PCDHA1: variants seen among roughly 807,000 people sequenced by gnomAD.
PCDHA1 encodes the protein protocadherin alpha-1.
PCDHA1 carries 42 observed loss-of-function variants against 61.3 expected under a neutral mutation model. The observed-to-expected ratio is 0.69, with a 90% CI of 0.54 to 0.89. PCDHA1 has a LOEUF of 0.89. PCDHA1 is among the 40% of genes least tolerant of loss of function. PCDHA1 has a pLI of 0.00. For missense variants in PCDHA1, 1,256 were observed against 1,235.3 expected, an observed-to-expected ratio of 1.02 and a Z score of -0.25; for synonymous variants, 610 against 553.8, an observed-to-expected ratio of 1.10 and a Z score of -1.43.
At chr5:140,860,689 G>A (rs1478164991) in intron 1 of PCDHA1, 3 of 152,174 alleles carry the variant, frequency 2.0e-5, no homozygotes, top group African/African-American at 7.2e-5. Flanking sequence ...TGTTTTGAGC[G>A]ACAGGATATT....
intron 2 of PCDHA1, among the ~76,000 whole-genome samples, chr5:140,982,104 G>A (rs1280175443): frequency 6.6e-6 from 1 of 152,256 alleles, no homozygotes; most frequent in Non-Finnish European, 1.5e-5. Flanking sequence ...GAACCTGCAA[G>A]AGAGGCTTGG....
In PCDHA1 at chr5:140,842,704, G is replaced by A. The variant is rs151170990; in HGVS notation, c.2394+54020G>A. 2,141 of 1,595,136 alleles carry A rather than the reference G, an allele frequency of 1.3e-3. 215 individuals are homozygous for A. The highest frequency in any genetic ancestry group is 5.2e-3 in the African/African-American group (389 of 74,336). On this transcript the variant is annotated intron_variant, in intron 1 of 3. Transcript: ENST00000504120. ...CGGCGTTCGCGCAGCCCGAGTACAC[G>A]GTGTTCGTGAAGGAGAACAACCCGC... is the stretch of plus-strand genomic sequence containing the variant.
chr5:140,862,480 G>A (rs1293172271), intron 1 of PCDHA1: 1 of 381,094 alleles, frequency 2.6e-6, no homozygotes, highest in East Asian at 7.1e-5. Flanking sequence ...TCTATCCATT[G>A]TTGGTAATCG....
Position 140,809,080 on chromosome 5 carries a change from C to A in PCDHA1, c.2394+20396C>A, listed in dbSNP as rs564951591. On this transcript the variant is annotated intron_variant, in intron 1 of 3. Coordinates refer to ENST00000504120, the MANE Select transcript of PCDHA1 (RefSeq NM_018900.4). ...GCGTGGGGCTGTACACTGGCGAGAT[C>A]AGCACAACGCGTGCCCTGGACGAAA... The A allele has an allele frequency of 1.8e-4, 290 of 1,613,954 alleles. No individual in the cohort carries two copies. In the East Asian group the frequency reaches 5.6e-3, roughly 31 times the overall value.
At chr5:140,969,661 G>A (rs2096351521) in intron 1 of PCDHA1, among the ~76,000 whole-genome samples, 2 of 152,166 alleles carry the variant, frequency 1.3e-5, no homozygotes, top group Non-Finnish European at 2.9e-5. Context: ...GTTTTAGGGA[G>A]TAATGTTATG....
At chr5:140,835,855 C>A in intron 1 of PCDHA1, 2 of 1,612,246 alleles carry the variant, frequency 1.2e-6, no homozygotes, top group Non-Finnish European at 1.7e-6. Flanking sequence ...GCGCTGGTGT[C>A]CTACTCGCTG....
intron 1 of PCDHA1, among the ~76,000 whole-genome samples, chr5:140,894,231 G>A (rs1265861426): frequency 1.3e-5 from 2 of 151,980 alleles, no homozygotes; most frequent in South Asian, 2.1e-4. Flanking sequence ...GATGTTGAAT[G>A]ACAATGTAAT....
chr5:140,992,485 A>T (rs1234957114), intron 3 of PCDHA1, among the ~76,000 whole-genome samples: 1 of 152,208 alleles, frequency 6.6e-6, no homozygotes, highest in Non-Finnish European at 1.5e-5. Flanking sequence ...CCCAGAGGCC[A>T]ATCTGTAAGG....
At chr5:140,794,012 G>A (rs1476768) in intron 1 of PCDHA1, among the ~76,000 whole-genome samples, 78,264 of 151,982 alleles carry the variant, frequency 0.51, 20,345 homozygotes, top group Middle Eastern at 0.64. Flanking sequence ...AGTGAAAAAT[G>A]CTAATATATC....
intron 1 of PCDHA1, chr5:140,823,379 G>A: frequency 6.2e-7 from 1 of 1,612,650 alleles, no homozygotes; most frequent in South Asian, 1.1e-5. Flanking sequence ...TTCCAGGTGA[G>A]CGCGCGCGAC....
intron 3 of PCDHA1, among the ~76,000 whole-genome samples, chr5:140,986,316 C>T (rs1407067646): frequency 2.0e-5 from 3 of 152,146 alleles, no homozygotes; most frequent in African/African-American, 7.2e-5. Context: ...TTAGCTAAAT[C>T]AGGAATGCAG....
At position 140,786,301 on chromosome 5, in the gene PCDHA1, C is replaced by G. The variant is rs958117573; in HGVS notation, c.11C>G (p.Ser4Cys). Residue 4 changes from serine (S) to cysteine (C), a missense_variant, in exon 1 of 4, where the codon TCT becomes TGT. Coordinates refer to ENST00000504120, the MANE Select transcript of PCDHA1 (RefSeq NM_018900.4). ...TGTAGTCCTTTTGCAATGGTGTTTT[C>G]TAGGAGAGGGGGCCTGGGAGCCCGG... is the stretch of plus-strand genomic sequence containing the variant. MVF[S>C]RRGGLGARDL... 5 of 1,605,102 alleles carry G rather than the reference C, an allele frequency of 3.1e-6. No individual in the cohort carries two copies. Among genetic ancestry groups the G allele is most frequent in the Non-Finnish European group, 4.3e-6 (5 of 1,175,666 alleles).
intron 1 of PCDHA1, among the ~76,000 whole-genome samples, chr5:140,789,469 A>T (rs1008546707): frequency 5.3e-5 from 8 of 151,962 alleles, no homozygotes; most frequent in Non-Finnish European, 1.0e-4. Context: ...ACAAAAACAA[A>T]CCAAAACCGA....
chr5:140,788,174 G>A lies in PCDHA1; in HGVS notation c.1884G>A (p.Thr628=). 6.2e-7 allele frequency: 1 copy of A among 1,613,994 alleles called. No individual in the cohort carries two copies. Among genetic ancestry groups the A allele is most frequent in the Non-Finnish European group, 8.5e-7 (1 of 1,179,906 alleles). Residue 628 remains threonine (T), a synonymous_variant, in exon 1 of 4, where the codon ACG becomes ACA. Coordinates refer to ENST00000504120, the MANE Select transcript of PCDHA1 (RefSeq NM_018900.4). The stretch of plus-strand genomic sequence containing the variant: ...TCCCGTTCCGCGTGGGGCTGTACAC[G>A]GGCGAGATCAGCACGACTCGTGTCC... ...ARIPFRVGLY[T]GEISTTRVLD...
chr5:140,966,176 T>G (rs2095977016), intron 1 of PCDHA1: 1 of 188,102 alleles, frequency 5.3e-6, no homozygotes, highest in African/African-American at 2.3e-5. Context: ...CCTGGGGAGC[T>G]GATAGCCAGA....
chr5:140,806,745 G>A (rs1763776480), intron 1 of PCDHA1, among the ~76,000 whole-genome samples: 5 of 152,188 alleles, frequency 3.3e-5, no homozygotes, highest in African/African-American at 1.2e-4. Flanking sequence ...TGTTTACAAA[G>A]TGTATAGTTA....
intron 1 of PCDHA1, among the ~76,000 whole-genome samples, chr5:140,978,200 C>T (rs2096792236): frequency 6.6e-6 from 1 of 152,220 alleles, no homozygotes. Context: ...TTTCAATACA[C>T]AACTAATGCA....
intron 1 of PCDHA1, chr5:140,851,535 G>T: frequency 1.1e-6 from 1 of 904,912 alleles, no homozygotes. Flanking sequence ...TGACAATGTA[G>T]ATAATTCAAG....
intron 1 of PCDHA1, chr5:140,863,139 G>A (rs1554157817): frequency 3.3e-6 from 2 of 605,396 alleles, no homozygotes; most frequent in African/African-American, 3.7e-5. Flanking sequence ...GCCTGCTGGT[G>A]CTGGTGAAGG....
Sources: gnomAD v4.1 joint callset for allele counts (sites outside exome capture counted in the v4.1 genomes callset) on GRCh38, gnomAD v4.1.1 for gene constraint, MANE v1.5 for transcripts, NCBI Gene and HGNC (gene_info 2026-07-23, HGNC 2026-07-21) for gene names.